The following PACS2 variants were observed in gnomAD, a reference collection of about 807,000 sequenced individuals.
PACS2 encodes phosphofurin acidic cluster sorting protein 2.
PACS2 carries 36 observed loss-of-function variants against 113.0 expected under a neutral mutation model. The ratio of observed to expected loss-of-function variants is 0.32; its 90% CI spans 0.24 to 0.42. The LOEUF (loss-of-function observed/expected upper bound fraction) is 0.42, where lower values mean the gene tolerates loss of function less well. Among genes scored for constraint, PACS2 ranks in the 10% least tolerant of loss-of-function variants. PACS2 has a pLI of 1.00. For missense variants in PACS2, 1,015 were observed against 1,239.5 expected (o/e 0.82, Z 2.72); for synonymous variants, 589 against 536.1 (o/e 1.10, Z -1.36).
In PACS2 at chr14:105,368,443, G is replaced by T. The variant is rs2061024898; in HGVS notation, c.661-16G>T. 1.2e-6 allele frequency: 2 copies of T among 1,607,184 alleles called. No individual in the cohort carries two copies. The highest frequency in any genetic ancestry group is 1.7e-5 in the Admixed American group (1 of 60,004). ...GCAGGCTGCCGTGGCCTCAGCCACT[G>T]CATATGTCTCTGCAGGACTTGGACG... is the stretch of plus-strand genomic sequence containing the variant. On this transcript the variant is annotated splice_polypyrimidine_tract_variant and intron_variant, in intron 6 of 24. Transcript: ENST00000447393.
chr14:105,371,577 C>T (rs2061155316), intron 8 of PACS2: 1 of 152,178 alleles, frequency 6.6e-6, no homozygotes, highest in Admixed American at 6.5e-5. Context: ...ATTTTCCACC[C>T]ATCACTCCCT....
At position 105,381,936 on chromosome 14, in the gene PACS2, C is replaced by T. The variant is rs1555412137; in HGVS notation, c.1291C>T (p.Arg431Ter). The change falls in exon 13 of 25, where the codon CGA becomes TGA. Residue 431 changes from arginine (R) to a stop codon, truncating the protein, a stop_gained. Transcript: ENST00000447393. LOFTEE classifies it high-confidence loss of function. ...TAGGTCCGAGGGGAAGCAGGCTGGC[C>T]GACGGGGCCGGAGCACATCCTTGAA... ...STRSEGKQAG[R>*]RGRSTSLKER... 4 of 1,550,682 alleles carry T rather than the reference C, an allele frequency of 2.6e-6. No individual in the cohort carries two copies. The highest frequency in any genetic ancestry group is 2.6e-6 in the Non-Finnish European group (3 of 1,147,024).
chr14:105,382,870 G>C lies in PACS2; in HGVS notation c.1582G>C (p.Val528Leu), dbSNP rs201367145. 1 of 1,607,348 alleles carries C rather than the reference G, an allele frequency of 6.2e-7. No homozygotes were observed. The highest frequency in any genetic ancestry group is 1.3e-5 in the African/African-American group (1 of 75,032). Residue 528 changes from valine to leucine, a missense_variant, in exon 15 of 25, where the codon GTC becomes CTC. Val to Leu is a conservative substitution (Grantham distance 32). Transcript: ENST00000447393. ...GGTGTGCACGTGCTCTCCTGCGGAC[G>C]TCCAGGCGGCCTTCAGCACCATCGT... ...PVVCTCSPAD[V>L]QAAFSTIVSR...
At chr14:105,394,432 C>T in intron 24 of PACS2, 122 bp from the exon 25 acceptor site, 1 of 1,509,862 alleles carries the variant, frequency 6.6e-7, no homozygotes, top group Non-Finnish European at 8.9e-7. Context: ...TGCCCTCCAG[C>T]ATGGGGCTCC....
Position 105,355,630 on chromosome 14 carries a change from C to T in PACS2, c.423+453C>T, listed in dbSNP as rs781976302. On this transcript the variant is annotated intron_variant, in intron 4 of 24. Coordinates refer to ENST00000447393, the MANE Select transcript of PACS2 (RefSeq NM_001100913.3). This position sits in a 1 kb window ranked among gnomAD's most constrained non-coding sequence, Gnocchi z 4.1. ...GGTGTCAGTTCTGTGAAGGGGCTAG[C>T]GACAATACCCGAGCAGGGCGGGGGC... is the stretch of plus-strand genomic sequence containing the variant. Among the ~76,000 whole-genome samples, 44 of 152,194 alleles carry T rather than the reference C, an allele frequency of 2.9e-4. No individual in the cohort carries two copies. Among genetic ancestry groups the T allele is most frequent in the Non-Finnish European group, 5.9e-4 (40 of 68,026 alleles).
At position 105,394,661 on chromosome 14, in the gene PACS2, G is replaced by C. The variant is rs143800881; in HGVS notation, c.2704G>C (p.Ala902Pro). 140 of 1,610,696 alleles carry C rather than the reference G, an allele frequency of 8.7e-5. No individual in the cohort carries two copies. The African/African-American group carries it at 1.7e-3, about 19-fold the overall frequency. ...FPICIFGHSK[A>P]TF ...CATCTGCATCTTCGGACACTCCAAG[G>C]CCACCTTCTAGCCCCACCCACCAGG... The change falls in exon 25 of 25, where the codon GCC becomes CCC. Residue 902 changes from alanine to proline, a missense_variant. By Grantham distance (27) the Ala-to-Pro change is conservative. Transcript: ENST00000447393.
intron 1 of PACS2, among the ~76,000 whole-genome samples, chr14:105,333,405 G>A (rs587601248): frequency 6.6e-5 from 10 of 152,334 alleles, no homozygotes; most frequent in South Asian, 2.1e-4. Flanking sequence ...AGCACAGGCC[G>A]GCCAGTCCTG....
At position 105,384,925 on chromosome 14, in the gene PACS2, A is replaced by G; in HGVS notation, c.1938A>G (p.Ala646=). 6.2e-7 allele frequency: 1 copy of G among 1,602,406 alleles called. No homozygotes were observed. Among genetic ancestry groups the G allele is most frequent in the East Asian group, 2.3e-5 (1 of 44,428 alleles). Residue 646 remains alanine (A), a synonymous_variant, in exon 18 of 25, where the codon GCA becomes GCG. Coordinates refer to ENST00000447393, the MANE Select transcript of PACS2 (RefSeq NM_001100913.3). ...TGTCACGCATCACGCAGTACATCGC[A>G]GGGGCCAACTGTGCCCACCAGCTCC... ...DIVSRITQYI[A]GANCAHQLPI... is the part of the protein sequence containing the mutation.
At chr14:105,386,257 G>A (rs912158699) in intron 19 of PACS2, among the ~76,000 whole-genome samples, 10 of 152,222 alleles carry the variant, frequency 6.6e-5, no homozygotes, top group South Asian at 2.1e-4. Flanking sequence ...GCCCAAGCAA[G>A]TAGTTAAGGA....
rs760597545 is a variant in PACS2, at chr14:105,376,356, C to T, written c.802-412C>T. ...GAATGTACAGGAACAGAGTGAGATT[C>T]GCAGGGCCTGGGGCTGAGGGAGGGG... On this transcript the variant is annotated intron_variant, in intron 8 of 24. Coordinates refer to ENST00000447393, the MANE Select transcript of PACS2 (RefSeq NM_001100913.3). The surrounding 1 kb of genome is among the most constrained non-coding windows in gnomAD (Gnocchi z 4.7). Among the ~76,000 whole-genome samples, 5 of 151,856 alleles carry T rather than the reference C, an allele frequency of 3.3e-5. No individual in the cohort carries two copies. Among genetic ancestry groups the T allele is most frequent in the East Asian group, 1.9e-4 (1 of 5,146 alleles).
Position 105,368,432 on chromosome 14 carries a change from C to T in PACS2, c.661-27C>T, listed in dbSNP as rs782130739. ...GCCAGCACTATGCAGGCTGCCGTGG[C>T]CTCAGCCACTGCATATGTCTCTGCA... On this transcript the variant is annotated intron_variant, in intron 6 of 24. Transcript: ENST00000447393. 90 of 1,583,798 alleles carry T rather than the reference C, an allele frequency of 5.7e-5. No individual in the cohort carries two copies. The Admixed American group carries it at 1.5e-3, about 26-fold the overall frequency.
intron 8 of PACS2, among the ~76,000 whole-genome samples, chr14:105,375,961 A>G (rs114162359): frequency 0.061 from 9,251 of 152,268 alleles, 991 homozygotes; most frequent in African/African-American, 0.21. Flanking sequence ...ACAGTTCAGC[A>G]TGGCTGGGGA....
In PACS2 at chr14:105,368,515, T is replaced by C. The variant is rs1168734394; in HGVS notation, c.717T>C (p.Ile239=). The C allele has an allele frequency of 1.2e-6, 2 of 1,613,866 alleles. No homozygotes were observed. The highest frequency in any genetic ancestry group is 1.1e-5 in the South Asian group (1 of 91,094). Residue 239 remains isoleucine, a synonymous_variant, in exon 7 of 25, where the codon ATT becomes ATC. Transcript: ENST00000447393. The part of the protein sequence containing the change: ...VGKPKKQRRS[I]VRTTSMTRQQ... ...AGCCGAAGAAGCAGCGGAGATCGAT[T>C]GTAAGAACGACGTCCATGACCAGGG...
chr14:105,387,500 G>A (rs2141277598), intron 19 of PACS2, among the ~76,000 whole-genome samples: 1 of 152,360 alleles, frequency 6.6e-6, no homozygotes, highest in East Asian at 1.9e-4. Flanking sequence ...ACGCCACGGT[G>A]GTATGCTCCT....
chr14:105,377,595 C>G (rs893282570), intron 9 of PACS2, among the ~76,000 whole-genome samples: 1 of 152,184 alleles, frequency 6.6e-6, no homozygotes, highest in Admixed American at 6.5e-5. Context: ...CTTTTGCTCT[C>G]ACACTTTTTT....
chr14:105,331,363 C>T (rs1357444555), intron 1 of PACS2, among the ~76,000 whole-genome samples: 1 of 152,200 alleles, frequency 6.6e-6, no homozygotes, highest in Non-Finnish European at 1.5e-5. Context: ...CGTATTTCCT[C>T]TCCTAAGTTT....
chr14:105,387,601 A>G (rs2081221532), intron 19 of PACS2, among the ~76,000 whole-genome samples: 1 of 152,192 alleles, frequency 6.6e-6, no homozygotes, highest in African/African-American at 2.4e-5. Flanking sequence ...CACCCCTGTC[A>G]TATTGGCCCA....
chr14:105,314,531 C>G (rs1341149302), upstream of PACS2: 2 of 146,608 alleles, frequency 1.4e-5, no homozygotes, highest in African/African-American at 5.0e-5. Context: ...CACCGGCGGG[C>G]GGGGACGCCC....
intron 15 of PACS2, 68 bp from the exon 16 acceptor site, chr14:105,383,291 C>T: frequency 6.4e-7 from 1 of 1,564,914 alleles, no homozygotes; most frequent in Non-Finnish European, 8.7e-7. Flanking sequence ...ACACTGGCAT[C>T]CTTGGATGGA....
Sources: allele counts gnomAD v4.1 joint callset (sites outside exome capture counted in the v4.1 genomes callset), GRCh38; gene constraint gnomAD v4.1.1; non-coding constraint Gnocchi (gnomAD v3.1); transcripts MANE v1.5; gene names NCBI Gene and HGNC (gene_info 2026-07-23, HGNC 2026-07-21).